The following CHN2 variants were observed in gnomAD, a reference collection of about 807,000 sequenced individuals.
CHN2 encodes the protein chimerin 2.
In CHN2, 35 loss-of-function variants were observed where a neutral mutation model predicts 56.3. The ratio of observed to expected loss-of-function variants is 0.62; its 90% CI spans 0.47 to 0.82. The LOEUF is 0.82. Ranked by LOEUF, CHN2 falls within the 40% of genes least tolerant of loss-of-function variation. CHN2 has a pLI of 0.00. For synonymous variants in CHN2, 210 were observed against 212.8 expected, an observed-to-expected ratio of 0.99 and a Z score of 0.12; for missense variants, 491 against 580.5, an observed-to-expected ratio of 0.85 and a Z score of 1.58.
rs969809818 is a variant in CHN2, at chr7:29,434,786, A to G, written c.576+33958A>G. 2.6e-5 allele frequency among the ~76,000 whole-genome samples: 4 copies of G among 152,322 alleles called. 1 individual carries two copies. The highest frequency in any genetic ancestry group is 2.6e-4 in the Admixed American group (4 of 15,298). ...TCTTTCCTTCAGAAACTTGTCATGT[A>G]CAGTATTTGGAAAAGATATTAACAG... On this transcript the variant is annotated intron_variant, in intron 6 of 12. Coordinates refer to ENST00000222792, the MANE Select transcript of CHN2 (RefSeq NM_004067.4).
At position 29,256,599 on chromosome 7, in the gene CHN2, A is replaced by G. The variant is rs553610566; in HGVS notation, c.49+61609A>G. Among the ~76,000 whole-genome samples the G allele has an allele frequency of 6.7e-4, 102 of 152,180 alleles. 1 individual carries two copies. Among genetic ancestry groups the G allele is most frequent in the Non-Finnish European group, 1.2e-3 (84 of 68,034 alleles). The stretch of plus-strand genomic sequence containing the variant: ...TGGGTGGATCTTTTCATTCCCCAGT[A>G]TATTCTGCCAGAAGCTGGTGCTCAT... On this transcript the variant is annotated intron_variant, in intron 1 of 12. Coordinates refer to ENST00000222792, the MANE Select transcript of CHN2 (RefSeq NM_004067.4).
intron 1 of CHN2, among the ~76,000 whole-genome samples, chr7:29,252,574 C>CTT (rs150230689): frequency 2.6e-4 from 5 of 19,284 alleles, no homozygotes; most frequent in Admixed American, 1.3e-3. Flanking sequence ...AAATTGCATT[C>CTT]TTTGTTTTTT....
rs562926987 is a variant in CHN2, at chr7:29,361,795, G to A, written c.89-6137G>A. 1.5e-4 allele frequency among the ~76,000 whole-genome samples: 23 copies of A among 152,292 alleles called. No homozygotes were observed. In the South Asian group the frequency reaches 1.9e-3, roughly 12 times the overall value. Reference sequence around the variant, plus strand: ...ATAGTAGCATCTCAATCTCTCAGCCGCTCAGGGTCTCTTTGTAAACCAGTC... The same window carrying A: ...ATAGTAGCATCTCAATCTCTCAGCCACTCAGGGTCTCTTTGTAAACCAGTC... On this transcript the variant is annotated intron_variant, in intron 2 of 12. Transcript: ENST00000222792.
At position 29,499,859 on chromosome 7, in the gene CHN2, G is replaced by C; in HGVS notation, c.740-8G>C. On this transcript the variant is annotated splice_region_variant and splice_polypyrimidine_tract_variant and intron_variant, in intron 8 of 12. Coordinates refer to ENST00000222792, the MANE Select transcript of CHN2 (RefSeq NM_004067.4). ...TGGGCTAGGCTAATGTGGCTTCTTT[G>C]TTTACAGACTGTGGATTGAACGTAC... The C allele has an allele frequency of 6.4e-7, 1 of 1,569,820 alleles. No homozygotes were observed. The highest frequency in any genetic ancestry group is 8.6e-7 in the Non-Finnish European group (1 of 1,159,788).
At chr7:29,477,695 G>T (rs3812329) in intron 6 of CHN2, among the ~76,000 whole-genome samples, 100,024 of 152,142 alleles carry the variant, frequency 0.66, 32,978 homozygotes, top group East Asian at 0.77. Flanking sequence ...CCTTCAGAAT[G>T]GGACAGTGGG....
intron 1 of CHN2, among the ~76,000 whole-genome samples, chr7:29,284,365 G>T (rs1037237352): frequency 6.6e-6 from 1 of 152,202 alleles, no homozygotes; most frequent in South Asian, 2.1e-4. Flanking sequence ...AAAGTGCTGG[G>T]ATTACAGGCA....
chr7:29,472,184 G>A (rs1047619802), intron 6 of CHN2, among the ~76,000 whole-genome samples: 10 of 149,928 alleles, frequency 6.7e-5, no homozygotes, highest in South Asian at 6.3e-4. Context: ...GCTCCACAAT[G>A]CCATAGCAAA....
intron 6 of CHN2, among the ~76,000 whole-genome samples, chr7:29,407,897 A>C (rs1469363223): frequency 6.6e-6 from 1 of 152,186 alleles, no homozygotes; most frequent in East Asian, 1.9e-4. Context: ...CTTTTAAAAA[A>C]ATGCCCATGG....
intron 4 of CHN2, among the ~76,000 whole-genome samples, chr7:29,395,243 C>G (rs2128077953): frequency 6.6e-6 from 1 of 152,316 alleles, no homozygotes; most frequent in South Asian, 2.1e-4. Flanking sequence ...TAAATTATGG[C>G]TGGGCACAGT....
chr7:29,377,569 CCT>C, intron 3 of CHN2, among the ~76,000 whole-genome samples: 1 of 152,336 alleles, frequency 6.6e-6, no homozygotes, highest in East Asian at 1.9e-4. Context: ...CTCAGTCCAT[CCT>C]CTGTGTGCTT....
At chr7:29,509,161 T>C (rs1228014923) in intron 11 of CHN2, 140 bp from the exon 12 acceptor site, 5 of 633,108 alleles carry the variant, frequency 7.9e-6, no homozygotes, top group African/African-American at 1.8e-5. Context: ...AACAAATTGA[T>C]TAAGTGAAAC....
In CHN2 at chr7:29,301,302, T is replaced by G. The variant is rs373269414; in HGVS notation, c.50-53323T>G. On this transcript the variant is annotated intron_variant, in intron 1 of 12. Coordinates refer to ENST00000222792, the MANE Select transcript of CHN2 (RefSeq NM_004067.4). ...TATAGAATGCTTTTAAAAATTACTC[T>G]TTGCCACCCAAAGTATTTGAAAGCA... 7.2e-5 allele frequency among the ~76,000 whole-genome samples: 11 copies of G among 151,766 alleles called. No homozygotes were observed. The East Asian group carries it at 1.4e-3, about 19-fold the overall frequency.
chr7:29,286,192 A>G (rs939433804), intron 1 of CHN2, among the ~76,000 whole-genome samples: 1 of 22,648 alleles, frequency 4.4e-5, no homozygotes, highest in Non-Finnish European at 1.1e-4. Flanking sequence ...CCCGCCCCCC[A>G]TGATTCCATT....
At chr7:29,457,953 A>G (rs564795457) in intron 6 of CHN2, among the ~76,000 whole-genome samples, 1 of 152,292 alleles carries the variant, frequency 6.6e-6, no homozygotes, top group South Asian at 2.1e-4. Flanking sequence ...ACATATTTTT[A>G]AGTTCTTACA....
chr7:29,195,021 G>A, intron 1 of CHN2, 31 bp downstream of exon 1: 1 of 1,579,244 alleles, frequency 6.3e-7, no homozygotes. Context: ...CGCTGCTGCC[G>A]CGCCGGGTCT....
chr7:29,456,868 C>T (rs1784808721), intron 6 of CHN2, among the ~76,000 whole-genome samples: 2 of 152,082 alleles, frequency 1.3e-5, no homozygotes, highest in Admixed American at 1.3e-4. Context: ...CTGCAGCCTG[C>T]ACTTTGTCTC....
At chr7:29,214,216 C>T (rs1463126946) in intron 1 of CHN2, among the ~76,000 whole-genome samples, 1 of 152,102 alleles carries the variant, frequency 6.6e-6, no homozygotes, top group East Asian at 1.9e-4. Context: ...CAGTAAACAC[C>T]TAGAGTAAGG....
chr7:29,494,860 CT>C (rs1173101213), intron 7 of CHN2, among the ~76,000 whole-genome samples: 1 of 139,200 alleles, frequency 7.2e-6, no homozygotes. Context: ...AACTGAGGCT[CT>C]TTTTTTCTTA....
chr7:29,263,129 C>T (rs1217805596), intron 1 of CHN2, among the ~76,000 whole-genome samples: 1 of 152,184 alleles, frequency 6.6e-6, no homozygotes, highest in Non-Finnish European at 1.5e-5. Flanking sequence ...AGCCTCCCTG[C>T]CTGACTCTCC....
Sources: gnomAD v4.1 joint callset for allele counts (sites outside exome capture counted in the v4.1 genomes callset) on GRCh38, gnomAD v4.1.1 for gene constraint, MANE v1.5 for transcripts, NCBI Gene and HGNC (gene_info 2026-07-23, HGNC 2026-07-21) for gene names.